The following PLEKHM1 variants were observed in gnomAD, a reference collection of about 807,000 sequenced individuals.
PLEKHM1 encodes pleckstrin homology domain-containing family M member 1.
Under a neutral mutation model 94.3 loss-of-function variants are expected in PLEKHM1, and 28 were observed. The observed-to-expected ratio is 0.30, with a 90% CI of 0.22 to 0.41. The LOEUF (loss-of-function observed/expected upper bound fraction) is 0.41. Among genes scored for constraint, PLEKHM1 ranks in the 10% least tolerant of loss-of-function variants. The pLI is 1.00. For missense variants in PLEKHM1, 907 were observed against 1,358.6 expected, an observed-to-expected ratio of 0.67 and a Z score of 5.22; for synonymous variants, 424 against 581.2, an observed-to-expected ratio of 0.73 and a Z score of 3.89.
At chr17:45,440,291 T>G in intron 9 of PLEKHM1, 65 bp from the exon 10 acceptor site, 1 of 1,470,662 alleles carries the variant, frequency 6.8e-7, no homozygotes, top group South Asian at 1.1e-5. Flanking sequence ...CTGTGTTGTT[T>G]GTTTACACTC....
rs1316881028 is a variant in PLEKHM1 at position 45,468,503 on chromosome 17, C to T, written c.1014G>A (p.Ser338=). Residue 338 remains serine, a synonymous_variant, in exon 5 of 12, where the codon TCG becomes TCA. Coordinates refer to ENST00000430334, the MANE Select transcript of PLEKHM1 (RefSeq NM_014798.3). ...QETEIPTPQA[S]LSLHGLNTST... is the part of the protein sequence containing the mutation. ...TGGTGTTGAGGCCATGGAGGGAGAG[C>T]GAGGCCTGTGGTGTGGGGATCTCTG... 9 of 1,614,192 alleles carry T rather than the reference C, an allele frequency of 5.6e-6. No homozygotes were observed. The highest frequency in any genetic ancestry group is 1.6e-4 in the Middle Eastern group (1 of 6,062).
Position 45,444,718 on chromosome 17 carries a change from C to T in PLEKHM1, c.2837+752G>A, listed in dbSNP as rs1230387649. On this transcript the variant is annotated intron_variant, in intron 9 of 11. Coordinates refer to ENST00000430334, the MANE Select transcript of PLEKHM1 (RefSeq NM_014798.3). This position sits in a 1 kb window ranked among gnomAD's most constrained non-coding sequence, Gnocchi z 5.0. ...ATTCCTTCTGTCTAGAATGCTCTTT[C>T]CCCCTTTGCTTCTCCTTTCTGATTC... 6.6e-6 allele frequency among the ~76,000 whole-genome samples: 1 copy of T among 152,122 alleles called. No homozygotes were observed. The highest frequency in any genetic ancestry group is 2.4e-5 in the African/African-American group (1 of 41,410).
intron 9 of PLEKHM1, 76 bp from the exon 10 acceptor site, chr17:45,440,302 C>A (rs1432638864): frequency 1.4e-6 from 2 of 1,421,308 alleles, no homozygotes; most frequent in Non-Finnish European, 2.0e-6. Context: ...GTTTACACTC[C>A]CCTGGCGCTG....
rs371028276 is a variant in PLEKHM1, at chr17:45,455,921, G to T, written c.1580-1649C>A. Among the ~76,000 whole-genome samples, 779 of 152,258 alleles carry T rather than the reference G, an allele frequency of 5.1e-3. 8 individuals carry two copies. The highest frequency in any genetic ancestry group is 0.018 in the African/African-American group (742 of 41,536). On this transcript the variant is annotated intron_variant, in intron 6 of 11. Coordinates refer to ENST00000430334, the MANE Select transcript of PLEKHM1 (RefSeq NM_014798.3). Reference sequence around the variant, plus strand: ...CCAAAGTGCTTCCAGTGGCCCACAGGCCTCGTCAGATTGACCTCATCGCTC... The same window carrying T: ...CCAAAGTGCTTCCAGTGGCCCACAGTCCTCGTCAGATTGACCTCATCGCTC...
rs1295447242 is a variant in PLEKHM1 at position 45,436,744 on chromosome 17, G to A, written c.*1114C>T. Reference sequence around the variant, plus strand: ...AGTCTCCAGTGTCCCGGCTGGGCAAGTTCAGTGATGCTTTGGGAATTCATG... The same window carrying A: ...AGTCTCCAGTGTCCCGGCTGGGCAAATTCAGTGATGCTTTGGGAATTCATG... On this transcript the variant is annotated 3_prime_UTR_variant, in exon 12 of 12. Coordinates refer to ENST00000430334, the MANE Select transcript of PLEKHM1 (RefSeq NM_014798.3). The A allele has an allele frequency of 2.2e-6, 1 of 454,176 alleles. No individual in the cohort carries two copies. The highest frequency in any genetic ancestry group is 1.6e-5 in the South Asian group (1 of 64,482). 28.1% of individuals were successfully genotyped at this position (454,176 alleles called of 1,614,324 possible).
chr17:45,457,432 T>C (rs1370633656), intron 6 of PLEKHM1, among the ~76,000 whole-genome samples: 1 of 152,058 alleles, frequency 6.6e-6, no homozygotes, highest in East Asian at 1.9e-4. Flanking sequence ...TGGTGGCTCA[T>C]GCCTGTAATC....
intron 2 of PLEKHM1, among the ~76,000 whole-genome samples, chr17:45,480,714 T>C (rs1459788469): frequency 6.6e-6 from 1 of 152,240 alleles, no homozygotes; most frequent in Non-Finnish European, 1.5e-5. Flanking sequence ...TTATTTCACT[T>C]AGCATATTTT....
intron 9 of PLEKHM1, chr17:45,440,943 A>G (rs1429020877): frequency 6.4e-6 from 1 of 155,704 alleles, no homozygotes; most frequent in Non-Finnish European, 1.4e-5. Context: ...TCAGTGCTAC[A>G]CTGGTTTCAG....
chr17:45,447,220 A>AG (rs2050634224), intron 8 of PLEKHM1, among the ~76,000 whole-genome samples: 1 of 152,114 alleles, frequency 6.6e-6, no homozygotes, highest in Admixed American at 6.5e-5. Context: ...TTGGGGGCTG[A>AG]GGGGGCCTCT....
chr17:45,457,446 A>C (rs1026784267), intron 6 of PLEKHM1, among the ~76,000 whole-genome samples: 4 of 151,800 alleles, frequency 2.6e-5, no homozygotes, highest in Admixed American at 6.6e-5. Context: ...TGTAATCCCA[A>C]CTACTCGGGT....
intron 1 of PLEKHM1, among the ~76,000 whole-genome samples, chr17:45,484,316 T>C (rs2052045365): frequency 6.6e-6 from 1 of 152,234 alleles, no homozygotes; most frequent in Admixed American, 6.5e-5. Flanking sequence ...ACTAAGAGTC[T>C]GACACCTTAG....
Position 45,437,903 on chromosome 17 carries a change from G to A in PLEKHM1, c.3126C>T (p.Arg1042=). 6.2e-7 allele frequency: 1 copy of A among 1,613,928 alleles called. No homozygotes were observed. Among genetic ancestry groups the A allele is most frequent in the South Asian group, 1.1e-5 (1 of 91,090 alleles). Residue 1042 remains arginine, a synonymous_variant, in exon 12 of 12, where the codon CGC becomes CGT. Coordinates refer to ENST00000430334, the MANE Select transcript of PLEKHM1 (RefSeq NM_014798.3). The surrounding 1 kb of genome is among the most constrained non-coding windows in gnomAD (Gnocchi z 4.0). ...CQAVVKKGCP[R]CARRRKYQEQ... ...CCTGGTACTTGCGCCGGCGGGCACAGCGGGGGCAGCCCTTCTTCACCACAG... is the reference window on the plus strand; with the variant it reads ...CCTGGTACTTGCGCCGGCGGGCACAACGGGGGCAGCCCTTCTTCACCACAG...
chr17:45,485,936 G>T (rs2052098034), intron 1 of PLEKHM1, among the ~76,000 whole-genome samples: 1 of 150,084 alleles, frequency 6.7e-6, no homozygotes, highest in Admixed American at 6.6e-5. Context: ...ATAATTTATG[G>T]CATGGCGCCG....
intron 5 of PLEKHM1, 55 bp from the exon 6 acceptor site, chr17:45,458,494 G>A (rs1371866481): frequency 9.3e-6 from 14 of 1,506,900 alleles, no homozygotes; most frequent in African/African-American, 1.4e-5. Context: ...GTTTTGAGAC[G>A]GAGTCTCGCT....
At position 45,479,242 on chromosome 17, in the gene PLEKHM1, G is replaced by A. The variant is rs566871100; in HGVS notation, c.49-1095C>T. The stretch of plus-strand genomic sequence containing the variant: ...TGCAAAAATTAGCCAGGTGTGGGCC[G>A]GGCACGGTGGCTCACGCCTGTAACC... On this transcript the variant is annotated intron_variant, in intron 2 of 11. Transcript: ENST00000430334. 5.3e-5 allele frequency among the ~76,000 whole-genome samples: 8 copies of A among 152,048 alleles called. No individual in the cohort carries two copies. The East Asian group carries it at 7.7e-4, about 15-fold the overall frequency.
chr17:45,437,756 A>T lies in PLEKHM1; in HGVS notation c.*102T>A. On this transcript the variant is annotated 3_prime_UTR_variant, in exon 12 of 12. Transcript: ENST00000430334. This position sits in a 1 kb window ranked among gnomAD's most constrained non-coding sequence, Gnocchi z 4.0. ...CTGAGGGTCTTCCTGACAAGGGGAC[A>T]CAGCTGTGACACGGTGAGTATCCTG... is the stretch of plus-strand genomic sequence containing the variant. The T allele has an allele frequency of 1.1e-6, 1 of 912,980 alleles. No homozygotes were observed. The highest frequency in any genetic ancestry group is 1.8e-6 in the Non-Finnish European group (1 of 551,116). 56.6% of individuals were successfully genotyped at this position (912,980 alleles called of 1,614,324 possible). A position where few individuals can be genotyped will look rare whatever the true frequency, so the allele number is the denominator to read the frequency against.
chr17:45,482,398 C>A lies in PLEKHM1; in HGVS notation c.48+39G>T, dbSNP rs775728025. 3 of 725,562 alleles carry A rather than the reference C, an allele frequency of 4.1e-6. No homozygotes were observed. In the East Asian group the frequency reaches 7.9e-5, roughly 19 times the overall value. 44.9% of individuals were successfully genotyped at this position (725,562 alleles called of 1,614,324 possible). A position where few individuals can be genotyped will look rare whatever the true frequency, so the allele number is the denominator to read the frequency against. On this transcript the variant is annotated intron_variant, in intron 2 of 11. Transcript: ENST00000430334. ...AAGCCGATGATACAACTGTCCCCTG[C>A]AGCCCTTCCCCGCCCTTGATCCTCC...
At chr17:45,459,076 C>T (rs181988796) in intron 5 of PLEKHM1, among the ~76,000 whole-genome samples, 1,775 of 152,040 alleles carry the variant, frequency 0.012, 19 homozygotes, top group Middle Eastern at 0.041. Flanking sequence ...TGCAGTGAGC[C>T]GTGATCACGC....
At chr17:45,454,380 T>C in intron 6 of PLEKHM1, 108 bp from the exon 7 acceptor site, 2 of 1,032,732 alleles carry the variant, frequency 1.9e-6, no homozygotes, top group South Asian at 1.4e-5. Context: ...CCAGTGACTG[T>C]CCCCAGAACA....
Sources: allele counts gnomAD v4.1 joint callset (sites outside exome capture counted in the v4.1 genomes callset), GRCh38; gene constraint gnomAD v4.1.1; non-coding constraint Gnocchi (gnomAD v3.1); transcripts MANE v1.5; gene names NCBI Gene and HGNC (gene_info 2026-07-23, HGNC 2026-07-21).